CFAP61: variants seen among roughly 807,000 people sequenced by gnomAD.
CFAP61 encodes cilia and flagella associated protein 61.
A neutral mutation model predicts 135.6 loss-of-function variants in CFAP61; 107 were observed. The ratio of observed to expected loss-of-function variants is 0.79; its 90% CI spans 0.67 to 0.93. The LOEUF is 0.93. Ranked by LOEUF, CFAP61 falls within the 40% of genes least tolerant of loss-of-function variation. CFAP61 has a pLI of 0.00. For synonymous variants in CFAP61, 575 were observed against 578.5 expected, an observed-to-expected ratio of 0.99 and a Z score of 0.09; for missense variants, 1,507 against 1,556.2, an observed-to-expected ratio of 0.97 and a Z score of 0.53.
At chr20:20,127,756 A>G (rs760867951) in intron 8 of CFAP61, among the ~76,000 whole-genome samples, 3 of 151,522 alleles carry the variant, frequency 2.0e-5, no homozygotes, top group Non-Finnish European at 4.4e-5. Context: ...AACTCCCCAA[A>G]TTATATGCTC....
intron 8 of CFAP61, among the ~76,000 whole-genome samples, chr20:20,123,881 ATTTG>A (rs2049858194): frequency 7.0e-6 from 1 of 142,224 alleles, no homozygotes; most frequent in Admixed American, 7.0e-5. Flanking sequence ...ATGTGTTTCC[ATTTG>A]TTTGTTTCAT....
intron 9 of CFAP61, among the ~76,000 whole-genome samples, chr20:20,158,502 G>A (rs577614300): frequency 6.6e-6 from 1 of 152,208 alleles, no homozygotes; most frequent in East Asian, 1.9e-4. Context: ...GAAAGATTAA[G>A]CATTCCAAGT....
intron 21 of CFAP61, among the ~76,000 whole-genome samples, chr20:20,269,726 TA>T (rs2053195077): frequency 6.6e-6 from 1 of 152,226 alleles, no homozygotes; most frequent in Non-Finnish European, 1.5e-5. Flanking sequence ...GATTGCTACT[TA>T]AAAATATTTC....
intron 21 of CFAP61, among the ~76,000 whole-genome samples, chr20:20,273,150 G>A (rs1310736720): frequency 1.3e-5 from 2 of 148,852 alleles, no homozygotes; most frequent in African/African-American, 5.0e-5. Context: ...CAAAGTGCTT[G>A]GATTACAGGC....
At chr20:20,207,125 C>A (rs1200979470) in intron 17 of CFAP61, among the ~76,000 whole-genome samples, 3 of 152,194 alleles carry the variant, frequency 2.0e-5, no homozygotes, top group Non-Finnish European at 2.9e-5. Flanking sequence ...TCCTGCTTCA[C>A]CCTCTCTAAC....
intron 22 of CFAP61, among the ~76,000 whole-genome samples, chr20:20,284,681 G>A (rs2147056320): frequency 1.3e-5 from 2 of 152,200 alleles, no homozygotes; most frequent in South Asian, 4.2e-4. Context: ...AGTTAATATT[G>A]TACCATTTCA....
chr20:20,123,472 G>A (rs1191674800), intron 8 of CFAP61, among the ~76,000 whole-genome samples: 1 of 151,630 alleles, frequency 6.6e-6, no homozygotes, highest in African/African-American at 2.4e-5. Context: ...CCTACATGTG[G>A]CCAGGCAATT....
chr20:20,154,180 C>G (rs918852323), intron 9 of CFAP61, among the ~76,000 whole-genome samples: 9 of 151,854 alleles, frequency 5.9e-5, no homozygotes, highest in Admixed American at 1.3e-4. Context: ...AAACCCTCAG[C>G]AAAATTGGCA....
At chr20:20,325,483 C>T (rs1190984714) in intron 25 of CFAP61, among the ~76,000 whole-genome samples, 1 of 152,212 alleles carries the variant, frequency 6.6e-6, no homozygotes, top group Non-Finnish European at 1.5e-5. Context: ...ATGTTGGAAT[C>T]ATTCAGTATG....
intron 6 of CFAP61, chr20:20,085,641 T>A: frequency 1.6e-6 from 1 of 609,900 alleles, no homozygotes; most frequent in Non-Finnish European, 2.7e-6. Context: ...AGCTACAGAG[T>A]AATATTTCTG....
At chr20:20,084,327 A>G (rs1273667337) in intron 6 of CFAP61, among the ~76,000 whole-genome samples, 6 of 152,184 alleles carry the variant, frequency 3.9e-5, no homozygotes, top group Non-Finnish European at 7.3e-5. Flanking sequence ...TTAAATACAA[A>G]TCCTCTCTGG....
chr20:20,336,227 G>A (rs779027931), intron 25 of CFAP61, among the ~76,000 whole-genome samples: 1 of 152,162 alleles, frequency 6.6e-6, no homozygotes, highest in African/African-American at 2.4e-5. Flanking sequence ...TGATGGATTT[G>A]TTCCAACAGG....
chr20:20,200,776 G>A (rs961249356), intron 17 of CFAP61: 19 of 985,230 alleles, frequency 1.9e-5, no homozygotes, highest in South Asian at 4.7e-5. Context: ...TAAACACCTC[G>A]CAATACGCTC....
chr20:20,099,044 C>A (rs2047808893), intron 8 of CFAP61, among the ~76,000 whole-genome samples: 1 of 152,006 alleles, frequency 6.6e-6, no homozygotes, highest in South Asian at 2.1e-4. Flanking sequence ...TTAGGGCTCC[C>A]ACATTCAGGA....
chr20:20,157,671 AAACAT>A (rs1240756934), intron 9 of CFAP61, among the ~76,000 whole-genome samples: 22 of 152,352 alleles, frequency 1.4e-4, no homozygotes, highest in African/African-American at 4.8e-4. Flanking sequence ...CCTCTAGAGA[AAACAT>A]AACATAGGAG....
chr20:20,115,762 T>C (rs1265932906), intron 8 of CFAP61, among the ~76,000 whole-genome samples: 2 of 152,210 alleles, frequency 1.3e-5, no homozygotes, highest in African/African-American at 4.8e-5. Context: ...TTGTTGCAAA[T>C]GACAGGATTT....
intron 11 of CFAP61, among the ~76,000 whole-genome samples, chr20:20,165,644 C>T (rs981226286): frequency 6.6e-6 from 1 of 152,042 alleles, no homozygotes; most frequent in Non-Finnish European, 1.5e-5. Flanking sequence ...AGAACCATCT[C>T]GAAGAGGAAA....
intron 13 of CFAP61, among the ~76,000 whole-genome samples, chr20:20,170,536 T>C (rs1012357255): frequency 1.2e-4 from 19 of 152,212 alleles, no homozygotes; most frequent in African/African-American, 4.3e-4. Context: ...TACAAAATGT[T>C]CTGAGGCTCA....
chr20:20,266,259 T>A (rs1221193846), intron 21 of CFAP61, among the ~76,000 whole-genome samples: 16 of 152,232 alleles, frequency 1.1e-4, no homozygotes, highest in Non-Finnish European at 1.9e-4. Flanking sequence ...GTTTCATTGC[T>A]GGGCTTTCAA....
Sources: allele counts gnomAD v4.1 joint callset (sites outside exome capture counted in the v4.1 genomes callset), GRCh38; gene constraint gnomAD v4.1.1; transcripts MANE v1.5; gene names NCBI Gene and HGNC (gene_info 2026-07-23, HGNC 2026-07-21).